The following UBTD1 variants were observed in gnomAD, a reference collection of about 807,000 sequenced individuals.
UBTD1 encodes ubiquitin domain-containing protein 1.
A neutral mutation model predicts 21.7 loss-of-function variants in UBTD1; 19 were observed. The observed-to-expected ratio is 0.87, with a 90% CI of 0.61 to 1.28. The LOEUF is 1.28. Ranked by LOEUF, UBTD1 falls within the 50% of genes most tolerant of loss-of-function variation. The probability of loss-of-function intolerance (pLI) is 0.00; values close to 1 mark genes in which losing one functional copy is unlikely to be tolerated. For synonymous variants in UBTD1, 116 were observed against 135.1 expected, an observed-to-expected ratio of 0.86 and a Z score of 0.98; for missense variants, 282 against 315.1, an observed-to-expected ratio of 0.89 and a Z score of 0.80.
At chr10:97,531,997 C>T (rs957284673) in intron 1 of UBTD1, among the ~76,000 whole-genome samples, 2 of 152,298 alleles carry the variant, frequency 1.3e-5, no homozygotes, top group Middle Eastern at 3.4e-3. Context: ...CAGGAAGACT[C>T]AGCAACAAGG....
intron 1 of UBTD1, among the ~76,000 whole-genome samples, chr10:97,564,029 G>A (rs895787156): frequency 6.6e-6 from 1 of 152,156 alleles, no homozygotes; most frequent in Non-Finnish European, 1.5e-5. Context: ...AATGGGGAGG[G>A]TCCTGCAGGC....
At chr10:97,514,325 A>C (rs2040434744) in intron 1 of UBTD1, among the ~76,000 whole-genome samples, 1 of 151,990 alleles carries the variant, frequency 6.6e-6, no homozygotes, top group Non-Finnish European at 1.5e-5. Context: ...ATTTCTCCTG[A>C]ATTGTCTCAA....
intron 1 of UBTD1, among the ~76,000 whole-genome samples, chr10:97,502,909 G>GTA (rs202112344): frequency 4.4e-4 from 58 of 132,312 alleles, no homozygotes; most frequent in East Asian, 2.1e-3. Context: ...GTGTATATAT[G>GTA]TATATATATA....
At chr10:97,529,219 A>G (rs1221547987) in intron 1 of UBTD1, among the ~76,000 whole-genome samples, 3 of 150,656 alleles carry the variant, frequency 2.0e-5, no homozygotes, top group African/African-American at 4.9e-5. Flanking sequence ...GGCCGGGAAG[A>G]GGCGCTCCTC....
chr10:97,547,448 G>A lies in UBTD1; in HGVS notation c.71-20466G>A, dbSNP rs146779935. Reference sequence around the variant, plus strand: ...CCCTACGCTGTGCAACCAGCACAAGGAGGCAGACATCCATCAAGCCCACTC... The same window carrying A: ...CCCTACGCTGTGCAACCAGCACAAGAAGGCAGACATCCATCAAGCCCACTC... On this transcript the variant is annotated intron_variant, in intron 1 of 2. Coordinates refer to ENST00000370664, the MANE Select transcript of UBTD1 (RefSeq NM_024954.5). 4.7e-3 allele frequency among the ~76,000 whole-genome samples: 717 copies of A among 152,274 alleles called. 1 individual carries two copies. The highest frequency in any genetic ancestry group is 0.01 in the Middle Eastern group (3 of 294).
At chr10:97,569,089 C>T (rs1038453392) in intron 2 of UBTD1, among the ~76,000 whole-genome samples, 7 of 152,258 alleles carry the variant, frequency 4.6e-5, no homozygotes, top group African/African-American at 1.4e-4. Context: ...TCCCGAAGTG[C>T]TGGGATTACA....
Position 97,547,453 on chromosome 10 carries a change from A to G in UBTD1, c.71-20461A>G, listed in dbSNP as rs552643719. On this transcript the variant is annotated intron_variant, in intron 1 of 2. Transcript: ENST00000370664. ...CGCTGTGCAACCAGCACAAGGAGGC[A>G]GACATCCATCAAGCCCACTCTCTGT... is the stretch of plus-strand genomic sequence containing the variant. Among the ~76,000 whole-genome samples the G allele has an allele frequency of 2.4e-4, 36 of 152,326 alleles. No individual in the cohort carries two copies. The South Asian group carries it at 6.8e-3, about 29-fold the overall frequency.
At chr10:97,499,365 G>T in intron 1 of UBTD1, 92 bp downstream of exon 1, 1 of 1,402,992 alleles carries the variant, frequency 7.1e-7, no homozygotes, top group Non-Finnish European at 9.5e-7. Flanking sequence ...ACTCCCCACT[G>T]GTGCTGGCGC....
Position 97,558,859 on chromosome 10 carries a change from G to A in UBTD1, c.71-9055G>A, listed in dbSNP as rs562858722. 7.2e-5 allele frequency among the ~76,000 whole-genome samples: 11 copies of A among 152,224 alleles called. No homozygotes were observed. The South Asian group carries it at 8.3e-4, about 11-fold the overall frequency. On this transcript the variant is annotated intron_variant, in intron 1 of 2. Transcript: ENST00000370664. Reference sequence around the variant, plus strand: ...GAAAGACCTATAAGGGGCTTCTCTCGTTTTACGATGTCTTATTATTTTTTT... The same window carrying A: ...GAAAGACCTATAAGGGGCTTCTCTCATTTTACGATGTCTTATTATTTTTTT...
intron 1 of UBTD1, among the ~76,000 whole-genome samples, chr10:97,517,503 C>T (rs2040449587): frequency 6.6e-6 from 1 of 152,168 alleles, no homozygotes; most frequent in Admixed American, 6.5e-5. Flanking sequence ...GCCCAGTCCC[C>T]TTGCCGAGGT....
chr10:97,525,121 G>A (rs1374807058), intron 1 of UBTD1, among the ~76,000 whole-genome samples: 1 of 152,240 alleles, frequency 6.6e-6, no homozygotes, highest in Admixed American at 6.5e-5. Context: ...ACTTGCACAT[G>A]TGCCCCCTTC....
At chr10:97,521,376 G>T (rs1028398681) in intron 1 of UBTD1, among the ~76,000 whole-genome samples, 1 of 152,160 alleles carries the variant, frequency 6.6e-6, no homozygotes, top group Non-Finnish European at 1.5e-5. Flanking sequence ...TTACTTTTCT[G>T]TTCCCCCTGA....
At chr10:97,560,129 A>ATT (rs200001647) in intron 1 of UBTD1, among the ~76,000 whole-genome samples, 10 of 149,952 alleles carry the variant, frequency 6.7e-5, no homozygotes, top group African/African-American at 1.7e-4. Flanking sequence ...TGTTACAAAC[A>ATT]TTTTTTTTTT....
chr10:97,562,042 G>C (rs1013138357), intron 1 of UBTD1, among the ~76,000 whole-genome samples: 1 of 152,164 alleles, frequency 6.6e-6, no homozygotes, highest in African/African-American at 2.4e-5. Context: ...CATGATGGGA[G>C]GGGGAGTCAG....
At chr10:97,534,457 A>C (rs774412377) in intron 1 of UBTD1, among the ~76,000 whole-genome samples, 5 of 152,112 alleles carry the variant, frequency 3.3e-5, no homozygotes, top group Non-Finnish European at 5.9e-5. Context: ...AGTCCTGGCT[A>C]AGCTTTCTCC....
rs1315329137 is a variant in UBTD1 at position 97,499,250 on chromosome 10, CG to C, written c.50del (p.Gly17AspfsTer13). ...CAGCGCCGGGAGAGGCCGGCAGCCC[CG>C]GGACACCCCCGCAAGCGAGCAGGTA... ...GRQRRERPAA[P>X]GHPRKRAGRN... On this transcript the variant is annotated frameshift_variant, in exon 1 of 3. Coordinates refer to ENST00000370664, the MANE Select transcript of UBTD1 (RefSeq NM_024954.5). LOFTEE classifies it high-confidence loss of function. The C allele has an allele frequency of 6.5e-7, 1 of 1,548,410 alleles. No homozygotes were observed. Among genetic ancestry groups the C allele is most frequent in the Non-Finnish European group, 8.7e-7 (1 of 1,145,776 alleles).
intron 1 of UBTD1, among the ~76,000 whole-genome samples, chr10:97,503,236 G>T (rs1298528161): frequency 6.6e-6 from 1 of 152,136 alleles, no homozygotes; most frequent in Non-Finnish European, 1.5e-5. Context: ...TTTTTGGATT[G>T]TTACTCTTAA....
intron 1 of UBTD1, among the ~76,000 whole-genome samples, chr10:97,558,208 T>G (rs2040674346): frequency 6.6e-6 from 1 of 152,070 alleles, no homozygotes; most frequent in Non-Finnish European, 1.5e-5. Context: ...AATCCAATAC[T>G]TCTACACAGT....
At chr10:97,517,751 C>T (rs577535540) in intron 1 of UBTD1, among the ~76,000 whole-genome samples, 2 of 152,296 alleles carry the variant, frequency 1.3e-5, no homozygotes, top group Non-Finnish European at 2.9e-5. Flanking sequence ...TTCCCGGTCC[C>T]TGGGGGTGAG....
Sources: allele counts gnomAD v4.1 joint callset (sites outside exome capture counted in the v4.1 genomes callset), GRCh38; gene constraint gnomAD v4.1.1; transcripts MANE v1.5; gene names NCBI Gene and HGNC (gene_info 2026-07-23, HGNC 2026-07-21).